Variants in AKAP6 observed in about 807,000 individuals in gnomAD.
AKAP6 encodes A-kinase anchor protein 6.
AKAP6 carries 58 observed loss-of-function variants against 188.5 expected under a neutral mutation model. The ratio of observed to expected loss-of-function variants is 0.31; its 90% CI spans 0.25 to 0.38. AKAP6 has a LOEUF of 0.38. Ranked by LOEUF, AKAP6 falls within the 10% of genes least tolerant of loss-of-function variation. The probability of loss-of-function intolerance (pLI) is 1.00; values close to 1 mark genes in which losing one functional copy is unlikely to be tolerated. For missense variants in AKAP6, 2,710 were observed against 2,740.0 expected (o/e 0.99, Z 0.24); for synonymous variants, 989 against 998.6 (o/e 0.99, Z 0.18).
chr14:32,664,283 T>TCA (rs1888827398), intron 7 of AKAP6, among the ~76,000 whole-genome samples: 1 of 152,124 alleles, frequency 6.6e-6, no homozygotes, highest in Non-Finnish European at 1.5e-5. Flanking sequence ...TGATGATCAA[T>TCA]CTATACAGTG....
intron 4 of AKAP6, among the ~76,000 whole-genome samples, chr14:32,557,842 A>G (rs1314742817): frequency 6.6e-6 from 1 of 151,568 alleles, no homozygotes; most frequent in Non-Finnish European, 1.5e-5. Flanking sequence ...TTCTGGATCT[A>G]GTTTTCACTC....
intron 7 of AKAP6, among the ~76,000 whole-genome samples, chr14:32,663,963 G>A (rs1888813812): frequency 6.6e-6 from 1 of 151,976 alleles, no homozygotes; most frequent in Non-Finnish European, 1.5e-5. Context: ...CAATGTTATG[G>A]AACCTTTTTA....
intron 2 of AKAP6, among the ~76,000 whole-genome samples, chr14:32,437,812 C>T (rs1890437681): frequency 1.3e-5 from 2 of 152,160 alleles, no homozygotes; most frequent in African/African-American, 4.8e-5. Flanking sequence ...GTTGCCCAGG[C>T]TGGTCTTGAA....
intron 11 of AKAP6, among the ~76,000 whole-genome samples, chr14:32,743,557 T>C (rs2031768515): frequency 6.6e-6 from 1 of 152,182 alleles, no homozygotes; most frequent in African/African-American, 2.4e-5. Context: ...GGTTTGAGGT[T>C]ACCATGAGGC....
chr14:32,575,883 G>A (rs549474110), intron 4 of AKAP6, among the ~76,000 whole-genome samples: 2 of 152,246 alleles, frequency 1.3e-5, no homozygotes, highest in African/African-American at 2.4e-5. Flanking sequence ...ATGGGACTCT[G>A]TGCCCACATC....
At chr14:32,634,345 T>C (rs1887398786) in intron 7 of AKAP6, among the ~76,000 whole-genome samples, 1 of 152,110 alleles carries the variant, frequency 6.6e-6, no homozygotes, top group South Asian at 2.1e-4. Context: ...GATAACTGGT[T>C]GTTGCTTTTA....
intron 8 of AKAP6, among the ~76,000 whole-genome samples, chr14:32,681,468 A>G (rs1456528600): frequency 6.6e-6 from 1 of 152,136 alleles, no homozygotes; most frequent in Non-Finnish European, 1.5e-5. Flanking sequence ...CCTCTCTGTA[A>G]GGATTTATCT....
chr14:32,581,085 G>A (rs939782719), intron 5 of AKAP6, among the ~76,000 whole-genome samples: 1 of 152,162 alleles, frequency 6.6e-6, no homozygotes, highest in African/African-American at 2.4e-5. Context: ...GGATGGCTGG[G>A]TCAAGTGGTA....
At chr14:32,449,521 CAA>C (rs33960351) in intron 2 of AKAP6, among the ~76,000 whole-genome samples, 1,768 of 104,496 alleles carry the variant, frequency 0.017, 7 homozygotes, top group Middle Eastern at 0.028. Context: ...GACTCCATCT[CAA>C]AAAAAAAAAA....
At chr14:32,601,497 T>C (rs990474710) in intron 7 of AKAP6, among the ~76,000 whole-genome samples, 1 of 152,226 alleles carries the variant, frequency 6.6e-6, no homozygotes. Context: ...GGCACTGTTC[T>C]AAAGGTATCT....
chr14:32,731,243 C>T (rs962178870), intron 9 of AKAP6, among the ~76,000 whole-genome samples: 5 of 152,088 alleles, frequency 3.3e-5, no homozygotes, highest in African/African-American at 7.2e-5. Flanking sequence ...AACATATGCA[C>T]GCAAATGCTG....
chr14:32,813,693 G>A (rs1266757140), intron 12 of AKAP6, among the ~76,000 whole-genome samples: 1 of 152,120 alleles, frequency 6.6e-6, no homozygotes, highest in Non-Finnish European at 1.5e-5. Flanking sequence ...TATGTGGGCA[G>A]CCCCTCCAGT....
intron 1 of AKAP6, among the ~76,000 whole-genome samples, chr14:32,371,308 T>A (rs757577660): frequency 4.6e-5 from 7 of 152,210 alleles, no homozygotes; most frequent in Non-Finnish European, 8.8e-5. Flanking sequence ...TATTTGTTTT[T>A]ATTTAAGTGT....
rs554982009 is a variant in AKAP6, at chr14:32,512,446, G to C, written c.325-23108G>C. Reference sequence around the variant, plus strand: ...TGAAATTGAATTTGTTTCTTAGCTGGCAACTGATTTCAAAACTGAAGCACT... The same window carrying C: ...TGAAATTGAATTTGTTTCTTAGCTGCCAACTGATTTCAAAACTGAAGCACT... On this transcript the variant is annotated intron_variant, in intron 2 of 13. Coordinates refer to ENST00000280979, the MANE Select transcript of AKAP6 (RefSeq NM_004274.5). Among the ~76,000 whole-genome samples the C allele has an allele frequency of 2.0e-5, 3 of 152,240 alleles. No homozygotes were observed. The South Asian group carries it at 6.2e-4, about 32-fold the overall frequency.
At chr14:32,563,023 A>G (rs974045490) in intron 4 of AKAP6, among the ~76,000 whole-genome samples, 1 of 152,188 alleles carries the variant, frequency 6.6e-6, no homozygotes, top group African/African-American at 2.4e-5. Flanking sequence ...ACACTTTTAT[A>G]CAAGGGAAAC....
intron 4 of AKAP6, among the ~76,000 whole-genome samples, chr14:32,552,811 A>T (rs771754367): frequency 6.6e-6 from 1 of 152,226 alleles, no homozygotes; most frequent in South Asian, 2.1e-4. Flanking sequence ...GTAAATGTGG[A>T]CACACTGAGA....
At chr14:32,681,928 G>T (rs1029753779) in intron 8 of AKAP6, among the ~76,000 whole-genome samples, 1 of 152,150 alleles carries the variant, frequency 6.6e-6, no homozygotes, top group Non-Finnish European at 1.5e-5. Flanking sequence ...CCTTCTATAT[G>T]TCAGGCTCTA....
At chr14:32,827,854 A>G (rs1318381349) in intron 13 of AKAP6, among the ~76,000 whole-genome samples, 1 of 152,188 alleles carries the variant, frequency 6.6e-6, no homozygotes, top group African/African-American at 2.4e-5. Flanking sequence ...CCTAAACTTC[A>G]GGCTGGATAA....
At chr14:32,397,871 T>C (rs1041176594) in intron 1 of AKAP6, among the ~76,000 whole-genome samples, 16 of 152,222 alleles carry the variant, frequency 1.1e-4, no homozygotes, top group Non-Finnish European at 1.9e-4. Context: ...AATGCAACAC[T>C]GAGGTCTCCT....
Sources: allele counts gnomAD v4.1 joint callset (sites outside exome capture counted in the v4.1 genomes callset), GRCh38; gene constraint gnomAD v4.1.1; transcripts MANE v1.5; gene names NCBI Gene and HGNC (gene_info 2026-07-23, HGNC 2026-07-21).